Variants in ADGRL3 observed in about 807,000 individuals in gnomAD.
ADGRL3 encodes the protein adhesion G protein-coupled receptor L3.
A neutral mutation model predicts 153.5 loss-of-function variants in ADGRL3; 62 were observed. The observed-to-expected ratio is 0.40, with a 90% CI of 0.33 to 0.50. ADGRL3 has a LOEUF of 0.50. Among genes scored for constraint, ADGRL3 ranks in the 20% least tolerant of loss-of-function variants. The pLI is 0.47. For missense variants in ADGRL3, 1,641 were observed against 1,859.4 expected, an observed-to-expected ratio of 0.88 and a Z score of 2.16; for synonymous variants, 710 against 672.5, an observed-to-expected ratio of 1.06 and a Z score of -0.86.
intron 9 of ADGRL3, among the ~76,000 whole-genome samples, chr4:61,873,982 AG>A (rs2098459857): frequency 6.6e-6 from 1 of 152,208 alleles, no homozygotes; most frequent in African/African-American, 2.4e-5. Flanking sequence ...CTCTGAATAA[AG>A]ATATGAAGCC....
At chr4:61,377,733 C>G (rs1424454475) in intron 1 of ADGRL3, among the ~76,000 whole-genome samples, 6 of 151,458 alleles carry the variant, frequency 4.0e-5, no homozygotes, top group Non-Finnish European at 8.8e-5. Flanking sequence ...TTTTTGCTCA[C>G]TTTGCATTTA....
At chr4:62,000,205 A>G (rs1474187603) in intron 21 of ADGRL3, among the ~76,000 whole-genome samples, 3 of 151,724 alleles carry the variant, frequency 2.0e-5, no homozygotes, top group Admixed American at 1.3e-4. Flanking sequence ...ATGTAGCACT[A>G]TGTTATAAAT....
chr4:61,964,593 G>A (rs1163225295), intron 17 of ADGRL3, among the ~76,000 whole-genome samples: 1 of 151,904 alleles, frequency 6.6e-6, no homozygotes. Flanking sequence ...TCAAATGTTG[G>A]TTATGTGAAC....
Position 62,028,897 on chromosome 4 carries a change from A to G in ADGRL3, c.3422+16A>G. 6.2e-7 allele frequency: 1 copy of G among 1,602,158 alleles called. No homozygotes were observed. The highest frequency in any genetic ancestry group is 8.5e-7 in the Non-Finnish European group (1 of 1,172,728). On this transcript the variant is annotated intron_variant, in intron 22 of 26. Transcript: ENST00000683033. ...CCTTCATCAAGTAAGAATGACCTGA[A>G]TGGCTGATAAATTCCGTTTATCAGT...
chr4:61,249,982 G>C (rs1040330976), intron 1 of ADGRL3, among the ~76,000 whole-genome samples: 1 of 152,110 alleles, frequency 6.6e-6, no homozygotes, highest in African/African-American at 2.4e-5. Flanking sequence ...CTCTTATGAT[G>C]ATCCACATTA....
intron 1 of ADGRL3, among the ~76,000 whole-genome samples, chr4:61,245,962 C>T (rs931134786): frequency 5.3e-5 from 8 of 152,006 alleles, no homozygotes; most frequent in African/African-American, 1.9e-4. Context: ...TCTGTGATAT[C>T]TGTGAGTCCC....
At chr4:61,359,600 A>G (rs966887189) in intron 1 of ADGRL3, among the ~76,000 whole-genome samples, 1 of 152,136 alleles carries the variant, frequency 6.6e-6, no homozygotes, top group African/African-American at 2.4e-5. Context: ...TACCAGTTAC[A>G]TTCAGGTTTT....
chr4:61,820,295 T>C (rs6829758), intron 9 of ADGRL3, among the ~76,000 whole-genome samples: 24,243 of 152,200 alleles, frequency 0.16, 2,116 homozygotes, highest in African/African-American at 0.24. Flanking sequence ...AGCATTTGGC[T>C]GCATAATTTA....
At chr4:61,905,931 A>G (rs913594866) in intron 11 of ADGRL3, among the ~76,000 whole-genome samples, 8 of 151,768 alleles carry the variant, frequency 5.3e-5, no homozygotes, top group Admixed American at 2.6e-4. Context: ...TCTAGAAAAT[A>G]TTGATTATAT....
chr4:61,852,343 CT>C (rs1374576854), intron 9 of ADGRL3, among the ~76,000 whole-genome samples: 1 of 151,478 alleles, frequency 6.6e-6, no homozygotes, highest in African/African-American at 2.4e-5. Flanking sequence ...GAGACAGGGT[CT>C]CACTCCGTTG....
chr4:61,610,625 G>C (rs914182411), intron 5 of ADGRL3, among the ~76,000 whole-genome samples: 6 of 152,236 alleles, frequency 3.9e-5, no homozygotes, highest in African/African-American at 1.2e-4. Flanking sequence ...AGACGGTCAA[G>C]TGGCTAGAGA....
intron 1 of ADGRL3, among the ~76,000 whole-genome samples, chr4:61,314,166 G>C (rs1040246472): frequency 2.6e-5 from 4 of 151,270 alleles, no homozygotes; most frequent in African/African-American, 9.7e-5. Context: ...AACCCATCTA[G>C]CACAAGCTGA....
At chr4:61,746,507 C>G (rs2096663401) in intron 8 of ADGRL3, among the ~76,000 whole-genome samples, 2 of 152,178 alleles carry the variant, frequency 1.3e-5, no homozygotes, top group Admixed American at 1.3e-4. Context: ...AACAAACTCT[C>G]TCTGAGACCA....
At chr4:61,253,778 C>T (rs923271633) in intron 1 of ADGRL3, among the ~76,000 whole-genome samples, 10 of 151,904 alleles carry the variant, frequency 6.6e-5, no homozygotes, top group African/African-American at 2.2e-4. Flanking sequence ...ATTTGTATTA[C>T]AAATTTATTT....
At chr4:61,315,348 A>T (rs2095168646) in intron 1 of ADGRL3, among the ~76,000 whole-genome samples, 1 of 152,158 alleles carries the variant, frequency 6.6e-6, no homozygotes, top group Non-Finnish European at 1.5e-5. Flanking sequence ...TCCAGGACAC[A>T]GGATTGATTG....
chr4:61,322,116 C>T (rs944720222), intron 1 of ADGRL3, among the ~76,000 whole-genome samples: 1 of 152,122 alleles, frequency 6.6e-6, no homozygotes, highest in African/African-American at 2.4e-5. Flanking sequence ...TCACATCTTA[C>T]ATGGATAACA....
chr4:61,353,600 ATTTTTTT>A (rs34199193), intron 1 of ADGRL3, among the ~76,000 whole-genome samples: 1 of 118,836 alleles, frequency 8.4e-6, no homozygotes, highest in Admixed American at 1.0e-4. Flanking sequence ...TTTTCTTTCA[ATTTTTTT>A]TTTTTTTTTT....
chr4:61,669,432 A>G (rs2150754302), intron 5 of ADGRL3, among the ~76,000 whole-genome samples: 1 of 152,312 alleles, frequency 6.6e-6, no homozygotes, highest in Non-Finnish European at 1.5e-5. Flanking sequence ...TACTACTGAT[A>G]TATGCATCTA....
At chr4:61,503,207 A>C (rs570916332) in intron 3 of ADGRL3, among the ~76,000 whole-genome samples, 16 of 152,226 alleles carry the variant, frequency 1.1e-4, no homozygotes, top group South Asian at 8.3e-4. Flanking sequence ...TGGCAATTGG[A>C]AAATAATTTT....
Sources: allele counts gnomAD v4.1 joint callset (sites outside exome capture counted in the v4.1 genomes callset), GRCh38; gene constraint gnomAD v4.1.1; transcripts MANE v1.5; gene names NCBI Gene and HGNC (gene_info 2026-07-23, HGNC 2026-07-21).